GPD2: variants seen among roughly 807,000 people sequenced by gnomAD.
GPD2 encodes glycerol-3-phosphate dehydrogenase, mitochondrial.
GPD2 carries 54 observed loss-of-function variants against 82.4 expected under a neutral mutation model. That is an observed-to-expected ratio of 0.66 (90% confidence interval 0.53 to 0.82). The LOEUF (loss-of-function observed/expected upper bound fraction) is 0.82, where lower values mean the gene tolerates loss of function less well. Ranked by LOEUF, GPD2 falls within the 40% of genes least tolerant of loss-of-function variation. The pLI, the probability that GPD2 is intolerant of heterozygous loss-of-function variation, is 0.00. For synonymous variants in GPD2, 288 were observed against 306.1 expected (o/e 0.94, Z 0.62); for missense variants, 748 against 896.2 (o/e 0.83, Z 2.11).
chr2:156,547,799 T>C (rs147162282), intron 6 of GPD2, among the ~76,000 whole-genome samples: 1 of 152,344 alleles, frequency 6.6e-6, no homozygotes, highest in African/African-American at 2.4e-5. Flanking sequence ...CTTTTTAAAG[T>C]CACCTTAGAG....
chr2:156,461,522 G>A (rs1682986919), intron 1 of GPD2, among the ~76,000 whole-genome samples: 1 of 151,974 alleles, frequency 6.6e-6, no homozygotes, highest in Admixed American at 6.6e-5. Flanking sequence ...GGGACTATAG[G>A]TGCATGTTAC....
chr2:156,401,009 TCGAAGTAAAAGTGAAATA>T, the GPD2 span, among the ~76,000 whole-genome samples: 1 of 152,248 alleles, frequency 6.6e-6, no homozygotes, highest in Admixed American at 6.5e-5. Context: ...TCTTGACTGC[TCGAAGTAAAAGTGAAATA>T]GGGAATTGGC....
chr2:156,485,217 T>C lies in GPD2; in HGVS notation c.102+9010T>C, dbSNP rs560634264. On this transcript the variant is annotated intron_variant, in intron 2 of 16. Coordinates refer to ENST00000438166, the MANE Select transcript of GPD2 (RefSeq NM_000408.5). ...TTGTGAATACATTCTGCATAGGATA[T>C]CTAACACTGTAGTTCCCACCTAAAT... Among the ~76,000 whole-genome samples the C allele has an allele frequency of 3.4e-3, 519 of 152,332 alleles. 10 individuals carry two copies. Among genetic ancestry groups the C allele is most frequent in the African/African-American group, 0.012 (500 of 41,568 alleles).
intron 6 of GPD2, among the ~76,000 whole-genome samples, chr2:156,543,364 T>C (rs1306945951): frequency 6.6e-6 from 1 of 152,178 alleles, no homozygotes; most frequent in Non-Finnish European, 1.5e-5. Flanking sequence ...TGGCAGGTAC[T>C]GGGGAAGCAA....
At position 156,512,206 on chromosome 2, in the gene GPD2, G is replaced by C; in HGVS notation, c.400-14G>C. On this transcript the variant is annotated splice_polypyrimidine_tract_variant and intron_variant, in intron 4 of 16. Coordinates refer to ENST00000438166, the MANE Select transcript of GPD2 (RefSeq NM_000408.5). Reference sequence around the variant, plus strand: ...TGTTACTGCCAAACTAATTTTCTCTGTTTTGCCTTTCAGTATAGGATGGTA... The same window carrying C: ...TGTTACTGCCAAACTAATTTTCTCTCTTTTGCCTTTCAGTATAGGATGGTA... 1 of 1,342,638 alleles carries C rather than the reference G, an allele frequency of 7.4e-7. No homozygotes were observed. Among genetic ancestry groups the C allele is most frequent in the South Asian group, 1.2e-5 (1 of 85,696 alleles). The allele number at this position is 1,342,638 out of a possible 1,614,324, so 83.2% of individuals were successfully genotyped here. A position where few individuals can be genotyped will look rare whatever the true frequency, so the allele number is the denominator to read the frequency against.
At chr2:156,579,463 G>T (rs1296266503) in intron 15 of GPD2, among the ~76,000 whole-genome samples, 1 of 151,338 alleles carries the variant, frequency 6.6e-6, no homozygotes, top group Non-Finnish European at 1.5e-5. Flanking sequence ...AGAGTAGCTG[G>T]GACTACAAGT....
At chr2:156,437,831 T>G (rs1377547830) in intron 1 of GPD2, among the ~76,000 whole-genome samples, 1 of 152,244 alleles carries the variant, frequency 6.6e-6, no homozygotes, top group East Asian at 1.9e-4. Flanking sequence ...GTGTTACCAA[T>G]TGTTAGTGAG....
At chr2:156,558,014 A>G (rs972615162) in intron 9 of GPD2, among the ~76,000 whole-genome samples, 2 of 152,356 alleles carry the variant, frequency 1.3e-5, no homozygotes, top group African/African-American at 4.8e-5. Context: ...CTGTTACTAC[A>G]TGGAAAGTAT....
the GPD2 span, among the ~76,000 whole-genome samples, chr2:156,411,936 A>T: frequency 6.6e-6 from 1 of 152,212 alleles, no homozygotes; most frequent in Non-Finnish European, 1.5e-5. Context: ...CAGGAAAACC[A>T]ACCTCACTCA....
At position 156,570,171 on chromosome 2, in the gene GPD2, A is replaced by G. The variant is rs780991606; in HGVS notation, c.1561A>G (p.Ile521Val). ...AAGTGTGACTGGCAAAAGGTGGCCT[A>G]TTGTTGGAGTACGTCTTGTGTCAGA... The part of the protein sequence containing the change: ...MASVTGKRWP[I>V]VGVRLVSEFP... Residue 521 changes from isoleucine to valine, a missense_variant, in exon 12 of 17, where the codon ATT becomes GTT. Coordinates refer to ENST00000438166, the MANE Select transcript of GPD2 (RefSeq NM_000408.5). The G allele has an allele frequency of 5.0e-6, 8 of 1,612,982 alleles. No homozygotes were observed. The Admixed American group carries it at 5.0e-5, about 10-fold the overall frequency.
intron 3 of GPD2, among the ~76,000 whole-genome samples, chr2:156,501,497 A>G (rs777310083): frequency 1.3e-5 from 2 of 152,178 alleles, no homozygotes; most frequent in East Asian, 1.9e-4. Flanking sequence ...GAGGATAATA[A>G]TAACATTCTT....
chr2:156,444,853 C>T (rs1272756270), intron 1 of GPD2, among the ~76,000 whole-genome samples: 3 of 152,170 alleles, frequency 2.0e-5, no homozygotes, highest in South Asian at 2.1e-4. Flanking sequence ...CTACGTCACG[C>T]GATTCTTCTC....
At chr2:156,401,175 T>TA in the GPD2 span, among the ~76,000 whole-genome samples, 3 of 152,172 alleles carry the variant, frequency 2.0e-5, no homozygotes, top group Admixed American at 1.3e-4. Flanking sequence ...AACCCGGGCC[T>TA]CCCGCGTGGC....
Position 156,586,016 on chromosome 2 carries a change from A to C in GPD2, c.*3098A>C, listed in dbSNP as rs1266001128. 1 of 152,330 alleles carries C rather than the reference A, an allele frequency of 6.6e-6. No homozygotes were observed. The highest frequency in any genetic ancestry group is 1.5e-5 in the Non-Finnish European group (1 of 67,920). 9.4% of individuals were successfully genotyped at this position (152,330 alleles called of 1,614,324 possible). A position where few individuals can be genotyped will look rare whatever the true frequency, so the allele number is the denominator to read the frequency against. On this transcript the variant is annotated 3_prime_UTR_variant, in exon 17 of 17. Coordinates refer to ENST00000438166, the MANE Select transcript of GPD2 (RefSeq NM_000408.5). ...ATTTTTATAACTGTCTTGGTGTTTTATGGCCATTATTTATTACTTTTGATA... is the reference window on the plus strand; with the variant it reads ...ATTTTTATAACTGTCTTGGTGTTTTCTGGCCATTATTTATTACTTTTGATA...
At chr2:156,537,550 T>C (rs773831690) in intron 6 of GPD2, among the ~76,000 whole-genome samples, 2 of 152,224 alleles carry the variant, frequency 1.3e-5, no homozygotes, top group African/African-American at 2.4e-5. Context: ...TGTGACATTG[T>C]CTAATTTCTA....
chr2:156,463,616 G>T (rs1683059523), intron 1 of GPD2, among the ~76,000 whole-genome samples: 1 of 152,222 alleles, frequency 6.6e-6, no homozygotes, highest in South Asian at 2.1e-4. Context: ...GCAAGTTCAA[G>T]TGATTTGCCT....
At chr2:156,502,103 CATGT>C (rs952111087) in intron 3 of GPD2, among the ~76,000 whole-genome samples, 8 of 88,348 alleles carry the variant, frequency 9.1e-5, no homozygotes, top group Non-Finnish European at 1.6e-4. Context: ...TATATATATG[CATGT>C]GTGTGTGTGT....
intron 1 of GPD2, among the ~76,000 whole-genome samples, chr2:156,451,265 C>T (rs1343482754): frequency 7.3e-5 from 11 of 151,480 alleles, no homozygotes; most frequent in African/African-American, 1.2e-4. Flanking sequence ...CCTCACCTCC[C>T]GGACGGGGCA....
rs1686534333 is a variant in GPD2 at position 156,546,347 on chromosome 2, T to C, written c.662-3261T>C. Among the ~76,000 whole-genome samples the C allele has an allele frequency of 2.0e-5, 3 of 152,188 alleles. No homozygotes were observed. In the South Asian group the frequency reaches 6.2e-4, roughly 32 times the overall value. Reference sequence around the variant, plus strand: ...ATCACATTCCAATGGCATGCAGTGTTGTCAAAAACTTTTTTCTCCAGAATA... The same window carrying C: ...ATCACATTCCAATGGCATGCAGTGTCGTCAAAAACTTTTTTCTCCAGAATA... On this transcript the variant is annotated intron_variant, in intron 6 of 16. Transcript: ENST00000438166.
Sources: allele counts gnomAD v4.1 joint callset (sites outside exome capture counted in the v4.1 genomes callset), GRCh38; gene constraint gnomAD v4.1.1; transcripts MANE v1.5; gene names NCBI Gene and HGNC (gene_info 2026-07-23, HGNC 2026-07-21).